CPS1: variants seen among roughly 807,000 people sequenced by gnomAD.
CPS1 encodes carbamoyl-phosphate synthase 1.
Under a neutral mutation model 174.6 loss-of-function variants are expected in CPS1, and 109 were observed. The observed-to-expected ratio is 0.62, with a 90% CI of 0.53 to 0.73. CPS1 has a LOEUF of 0.73. Among genes scored for constraint, CPS1 ranks in the 30% least tolerant of loss-of-function variants. CPS1 has a pLI of 0.00. For synonymous variants in CPS1, 637 were observed against 632.0 expected (o/e 1.01, Z -0.12); for missense variants, 1,689 against 1,821.9 (o/e 0.93, Z 1.33).
Position 210,590,905 on chromosome 2 carries a change from A to T in CPS1, c.946A>T (p.Arg316Ter). 1 of 1,610,270 alleles carries T rather than the reference A, an allele frequency of 6.2e-7. No individual in the cohort carries two copies. The highest frequency in any genetic ancestry group is 8.5e-7 in the Non-Finnish European group (1 of 1,177,474). Residue 316 changes from arginine to a stop codon, truncating the protein, a stop_gained and splice_region_variant, in exon 9 of 38, where the codon AGA becomes TGA. Coordinates refer to ENST00000233072, the MANE Select transcript of CPS1 (RefSeq NM_001875.5). LOFTEE classifies it high-confidence loss of function. Reference protein sequence around the residue: ...AKTYKMSMANRGQNQPVLNIT... With the variant: ...AKTYKMSMAN ...AACCTACAAGATGTCCATGGCCAAC[A>T]GGTGAGGTATTTTCACTTTTGCTTA...
intron 5 of CPS1, among the ~76,000 whole-genome samples, chr2:210,580,992 A>C (rs756682169): frequency 1.3e-5 from 2 of 152,150 alleles, no homozygotes; most frequent in Non-Finnish European, 2.9e-5. Context: ...AGCTTTGAAA[A>C]TAAAAACATG....
chr2:210,652,968 A>G (rs187502136), intron 28 of CPS1, among the ~76,000 whole-genome samples: 2 of 152,316 alleles, frequency 1.3e-5, no homozygotes, highest in East Asian at 3.9e-4. Context: ...TAGTTTACAG[A>G]TACCAAAGGA....
intron 28 of CPS1, 21 bp from the exon 29 acceptor site, chr2:210,654,004 C>T: frequency 6.2e-7 from 1 of 1,607,478 alleles, no homozygotes; most frequent in Non-Finnish European, 8.5e-7. Flanking sequence ...TGTTCGGCTC[C>T]TCTGTTTTCC....
chr2:210,568,257 C>G (rs1697365161), intron 1 of CPS1, among the ~76,000 whole-genome samples: 1 of 152,028 alleles, frequency 6.6e-6, no homozygotes, highest in Admixed American at 6.6e-5. Context: ...ACGAGGAAGA[C>G]ATTTATGCAC....
At chr2:210,637,874 CA>C (rs1182013005) in intron 22 of CPS1, 31 bp downstream of exon 22, 2 of 1,612,998 alleles carry the variant, frequency 1.2e-6, no homozygotes, top group Admixed American at 1.7e-5. Context: ...CCCCATCCCC[CA>C]CTGACAGGAT....
At chr2:210,567,197 G>A (rs988505217) in intron 1 of CPS1, among the ~76,000 whole-genome samples, 1 of 151,744 alleles carries the variant, frequency 6.6e-6, no homozygotes, top group Non-Finnish European at 1.5e-5. Context: ...TTTTAAGGGA[G>A]GTATTTTAAC....
upstream of CPS1, among the ~76,000 whole-genome samples, chr2:210,552,442 G>T (rs189008232): frequency 6.1e-4 from 92 of 152,030 alleles, no homozygotes; most frequent in East Asian, 0.013. Context: ...AGCATCTCTT[G>T]CATGCTTGCT....
At chr2:210,490,871 A>G (rs1441565430) in intron 1 of CPS1, among the ~76,000 whole-genome samples, 1 of 152,242 alleles carries the variant, frequency 6.6e-6, no homozygotes, top group Non-Finnish European at 1.5e-5. Flanking sequence ...TATTATCCAC[A>G]GAATCCTAGG....
chr2:210,481,856 A>G (rs1244546639), intron 1 of CPS1, among the ~76,000 whole-genome samples: 1 of 152,262 alleles, frequency 6.6e-6, no homozygotes, highest in Admixed American at 6.5e-5. Flanking sequence ...TAGACCTAGA[A>G]GGACACTTCA....
Position 210,636,630 on chromosome 2 carries a change from C to A in CPS1, c.2688-1072C>A, listed in dbSNP as rs1167531453. On this transcript the variant is annotated intron_variant, in intron 21 of 37. Transcript: ENST00000233072. The stretch of plus-strand genomic sequence containing the variant: ...AAAAGTTAGGAGACATTAAAAGTAT[C>A]AGGTGATAATGGACATGCTAAACTG... Among the ~76,000 whole-genome samples, 10 of 151,970 alleles carry A rather than the reference C, an allele frequency of 6.6e-5. No individual in the cohort carries two copies. The East Asian group carries it at 1.9e-3, about 29-fold the overall frequency.
chr2:210,661,790 A>G (rs1478572255), intron 32 of CPS1, among the ~76,000 whole-genome samples: 1 of 151,952 alleles, frequency 6.6e-6, no homozygotes, highest in Non-Finnish European at 1.5e-5. Flanking sequence ...GAGATTCTAT[A>G]TATGGATTTT....
intron 1 of CPS1, among the ~76,000 whole-genome samples, chr2:210,557,138 T>G (rs550455173): frequency 1.3e-5 from 2 of 152,086 alleles, no homozygotes; most frequent in Non-Finnish European, 2.9e-5. Context: ...ACATCTTTTC[T>G]TTCATAGATA....
At chr2:210,624,541 A>G (rs1699639235) in intron 21 of CPS1, among the ~76,000 whole-genome samples, 1 of 152,104 alleles carries the variant, frequency 6.6e-6, no homozygotes, top group South Asian at 2.1e-4. Flanking sequence ...TGCCAAAAAT[A>G]CATTTTATTT....
chr2:210,660,449 A>G (rs184641245), intron 31 of CPS1, 36 bp from the exon 32 acceptor site: 5 of 1,600,506 alleles, frequency 3.1e-6, no homozygotes, highest in Admixed American at 3.3e-5. Context: ...CTGGCTCTCA[A>G]TGTCCTCTTT....
chr2:210,641,105 T>G (rs1404412181), intron 24 of CPS1, among the ~76,000 whole-genome samples: 2 of 151,982 alleles, frequency 1.3e-5, no homozygotes, highest in African/African-American at 4.8e-5. Flanking sequence ...AGGGAACAAA[T>G]TCCCTCCATC....
intron 8 of CPS1, among the ~76,000 whole-genome samples, 183 bp from the exon 9 acceptor site, chr2:210,590,617 G>T (rs1181198286): frequency 1.3e-5 from 2 of 151,998 alleles, no homozygotes; most frequent in African/African-American, 4.8e-5. Flanking sequence ...TGAATGTAAA[G>T]TACATCTTAA....
At chr2:210,538,827 T>C (rs575949967) in intron 1 of CPS1, among the ~76,000 whole-genome samples, 1 of 152,244 alleles carries the variant, frequency 6.6e-6, no homozygotes, top group African/African-American at 2.4e-5. Flanking sequence ...AGTGTATTGC[T>C]TTGTTCATCA....
chr2:210,512,072 T>C (rs1695509350), intron 1 of CPS1, among the ~76,000 whole-genome samples: 1 of 152,096 alleles, frequency 6.6e-6, no homozygotes, highest in Non-Finnish European at 1.5e-5. Context: ...CATTTTTCCC[T>C]AGCCCTCTTC....
At chr2:210,645,690 C>T (rs896849264) in intron 25 of CPS1, among the ~76,000 whole-genome samples, 9 of 152,016 alleles carry the variant, frequency 5.9e-5, no homozygotes, top group Non-Finnish European at 5.9e-5. Flanking sequence ...AGCTGAGGCA[C>T]GAGAATTCCT....
Sources: allele counts gnomAD v4.1 joint callset (sites outside exome capture counted in the v4.1 genomes callset), GRCh38; gene constraint gnomAD v4.1.1; transcripts MANE v1.5; gene names NCBI Gene and HGNC (gene_info 2026-07-23, HGNC 2026-07-21).